The following TTC1 variants were observed in gnomAD, a reference collection of about 807,000 sequenced individuals.
TTC1 encodes the protein tetratricopeptide repeat domain 1.
Under a neutral mutation model 37.6 loss-of-function variants are expected in TTC1, and 31 were observed. The observed-to-expected ratio is 0.82, with a 90% CI of 0.62 to 1.11. The LOEUF is 1.11. TTC1 is among the 50% of genes most tolerant of loss of function. The pLI, the probability that TTC1 is intolerant of heterozygous loss-of-function variation, is 0.00. For synonymous variants in TTC1, 127 were observed against 122.4 expected (o/e 1.04, Z -0.25); for missense variants, 351 against 339.0 (o/e 1.04, Z -0.28).
chr5:160,018,576 AAG>A (rs1756646612), intron 2 of TTC1, among the ~76,000 whole-genome samples: 1 of 152,206 alleles, frequency 6.6e-6, no homozygotes, highest in Non-Finnish European at 1.5e-5. Context: ...ATGATTAAGG[AAG>A]AGAGTGGGCT....
intron 5 of TTC1, among the ~76,000 whole-genome samples, chr5:160,046,066 CTTCTCCTGACCCAATA>C (rs1757235300): frequency 6.6e-6 from 1 of 152,130 alleles, no homozygotes; most frequent in African/African-American, 2.4e-5. Flanking sequence ...TTCAGAAAAC[CTTCTCCTGACCCAATA>C]TTCTCCTTCA....
rs542152756 is a variant in TTC1 at position 160,057,325 on chromosome 5, G to C, written c.745+6142G>C. ...ACCAGCACAATAAAGCGAGTCACAA[G>C]AATTTTTTGTTTCCCAGTGCATACA... On this transcript the variant is annotated intron_variant, in intron 7 of 7. Transcript: ENST00000231238. The surrounding 1 kb of genome is among the most constrained non-coding windows in gnomAD (Gnocchi z 4.4). 6.6e-6 allele frequency among the ~76,000 whole-genome samples: 1 copy of C among 151,924 alleles called. No homozygotes were observed. The highest frequency in any genetic ancestry group is 2.1e-4 in the South Asian group (1 of 4,814).
In TTC1 at chr5:160,010,693, G is replaced by T; in HGVS notation, c.165G>T (p.Glu55Asp). 1 of 1,613,802 alleles carries T rather than the reference G, an allele frequency of 6.2e-7. No individual in the cohort carries two copies. Among genetic ancestry groups the T allele is most frequent in the Non-Finnish European group, 8.5e-7 (1 of 1,179,858 alleles). The change falls in exon 2 of 8, where the codon GAG becomes GAT. Residue 55 changes from glutamate to aspartate, a missense_variant. Physicochemically the swap from Glu to Asp is conservative, Grantham distance 45. Transcript: ENST00000231238. ...LLRDDEAHLQ[E>D]DQGEEECFHD... ...GGGATGATGAGGCCCATCTCCAGGA[G>T]GACCAGGGAGAAGAGGAGTGTTTTC...
At chr5:160,059,616 G>A (rs1047512265) in intron 7 of TTC1, among the ~76,000 whole-genome samples, 1 of 152,158 alleles carries the variant, frequency 6.6e-6, no homozygotes, top group Non-Finnish European at 1.5e-5. Flanking sequence ...CAATATTGTT[G>A]TGGCTTAGGG....
intron 3 of TTC1, chr5:160,036,488 T>C (rs529153274): frequency 6.6e-6 from 3 of 453,010 alleles, no homozygotes; most frequent in African/African-American, 5.9e-5. Context: ...GCCTGTGAGA[T>C]TGGCACAAGC....
At position 160,010,607 on chromosome 5, in the gene TTC1, G is replaced by T; in HGVS notation, c.79G>T (p.Glu27Ter). 6.2e-7 allele frequency: 1 copy of T among 1,614,118 alleles called. No individual in the cohort carries two copies. The highest frequency in any genetic ancestry group is 8.5e-7 in the Non-Finnish European group (1 of 1,180,032). Residue 27 changes from glutamate to a stop codon, truncating the protein, a stop_gained, in exon 2 of 8, where the codon GAG (glutamate) becomes TAG (stop). Coordinates refer to ENST00000231238, the MANE Select transcript of TTC1 (RefSeq NM_003314.3). LOFTEE classifies it high-confidence loss of function. ...GLKVTDTQEA[E>*]CAGPPVPDPK... Reference sequence around the variant, plus strand: ...GAAGGTTACAGATACTCAGGAAGCCGAGTGTGCTGGCCCTCCAGTTCCTGA... The same window carrying T: ...GAAGGTTACAGATACTCAGGAAGCCTAGTGTGCTGGCCCTCCAGTTCCTGA...
chr5:160,058,701 G>A (rs748609784), intron 7 of TTC1, among the ~76,000 whole-genome samples: 9 of 152,058 alleles, frequency 5.9e-5, no homozygotes, highest in South Asian at 2.1e-4. Flanking sequence ...GTGAGCCACC[G>A]CGCCTGGCCA....
chr5:160,035,389 T>A (rs1756984412), intron 3 of TTC1, among the ~76,000 whole-genome samples, 189 bp downstream of exon 3: 1 of 152,248 alleles, frequency 6.6e-6, no homozygotes, highest in South Asian at 2.1e-4. Flanking sequence ...TGGTGACCAG[T>A]TACCATTTGT....
chr5:160,019,307 G>A (rs1756660332), intron 2 of TTC1, among the ~76,000 whole-genome samples: 1 of 152,092 alleles, frequency 6.6e-6, no homozygotes, highest in Admixed American at 6.6e-5. Context: ...AAGCTTAGAA[G>A]TTTCAGTTTA....
At chr5:160,039,980 T>G (rs1294090743) in intron 4 of TTC1, among the ~76,000 whole-genome samples, 1 of 152,200 alleles carries the variant, frequency 6.6e-6, no homozygotes, top group African/African-American at 2.4e-5. Flanking sequence ...GGGTATACAT[T>G]CTGAGAAATG....
At chr5:160,058,302 T>C (rs774404319) in intron 7 of TTC1, among the ~76,000 whole-genome samples, 1 of 152,208 alleles carries the variant, frequency 6.6e-6, no homozygotes, top group Non-Finnish European at 1.5e-5. Context: ...ACTGAAGTCT[T>C]CACCCCCTCA....
At chr5:160,059,376 G>C (rs959724115) in intron 7 of TTC1, among the ~76,000 whole-genome samples, 1 of 152,230 alleles carries the variant, frequency 6.6e-6, no homozygotes, top group Admixed American at 6.5e-5. Context: ...TAGGATTGAA[G>C]AAAGTTAGGG....
intron 5 of TTC1, among the ~76,000 whole-genome samples, chr5:160,045,096 TTTAAA>T (rs1757180576): frequency 6.6e-6 from 1 of 152,128 alleles, no homozygotes; most frequent in African/African-American, 2.4e-5. Flanking sequence ...GTTTGGGAAG[TTTAAA>T]TTAGGAACAA....
At chr5:160,021,676 A>G (rs1345266699) in intron 2 of TTC1, among the ~76,000 whole-genome samples, 1 of 152,198 alleles carries the variant, frequency 6.6e-6, no homozygotes, top group Non-Finnish European at 1.5e-5. Flanking sequence ...ATATGTCTTT[A>G]TGTATGTAAA....
At chr5:160,052,121 C>G (rs572897091) in intron 7 of TTC1, among the ~76,000 whole-genome samples, 1 of 152,150 alleles carries the variant, frequency 6.6e-6, no homozygotes, top group Non-Finnish European at 1.5e-5. Flanking sequence ...ACTGTAAAGA[C>G]GGCTGCTTCC....
At chr5:160,026,948 C>G (rs1184647593) in intron 2 of TTC1, among the ~76,000 whole-genome samples, 1 of 148,920 alleles carries the variant, frequency 6.7e-6, no homozygotes, top group South Asian at 2.1e-4. Context: ...TACTTTTTAG[C>G]TATTTTCTTA....
rs145117662 is a variant in TTC1 at position 160,034,938 on chromosome 5, C to A, written c.331-202C>A. Among the ~76,000 whole-genome samples, 44 of 152,286 alleles carry A rather than the reference C, an allele frequency of 2.9e-4. No individual in the cohort carries two copies. In the East Asian group the frequency reaches 8.1e-3, roughly 28 times the overall value. On this transcript the variant is annotated intron_variant, in intron 2 of 7. Coordinates refer to ENST00000231238, the MANE Select transcript of TTC1 (RefSeq NM_003314.3). ...GAAGACCTACATTTTTTGTTTTAAA[C>A]ATCAAGAATGCAATTGATAATTAGC...
chr5:160,031,196 G>A (rs1756901860), intron 2 of TTC1, among the ~76,000 whole-genome samples: 1 of 152,188 alleles, frequency 6.6e-6, no homozygotes, highest in African/African-American at 2.4e-5. Context: ...TGTTCAGCAT[G>A]ATACTGATAA....
chr5:160,061,464 T>C (rs1753394555), intron 7 of TTC1, among the ~76,000 whole-genome samples: 1 of 152,236 alleles, frequency 6.6e-6, no homozygotes, highest in South Asian at 2.1e-4. Flanking sequence ...GTCATGTATC[T>C]TTGCATCTCT....
Sources: gnomAD v4.1 joint callset for allele counts (sites outside exome capture counted in the v4.1 genomes callset) on GRCh38, gnomAD v4.1.1 for gene constraint, Gnocchi (gnomAD v3.1) non-coding constraint, MANE v1.5 for transcripts, NCBI Gene and HGNC (gene_info 2026-07-23, HGNC 2026-07-21) for gene names.